The following HEPACAM2 variants were observed in gnomAD, a reference collection of about 807,000 sequenced individuals.
The protein encoded by HEPACAM2 is mitotic kinetics regulator.
HEPACAM2 carries 49 observed loss-of-function variants against 49.6 expected under a neutral mutation model. That is an observed-to-expected ratio of 0.99 (90% CI 0.78 to 1.25). HEPACAM2 has a LOEUF of 1.25. HEPACAM2 is among the 50% of genes most tolerant of loss of function. HEPACAM2 has a pLI of 0.00. For synonymous variants in HEPACAM2, 197 were observed against 202.9 expected (o/e 0.97, Z 0.25); for missense variants, 525 against 557.2 (o/e 0.94, Z 0.58).
intron 4 of HEPACAM2, among the ~76,000 whole-genome samples, chr7:93,202,979 A>G (rs1282546674): frequency 2.0e-5 from 3 of 152,132 alleles, no homozygotes. Context: ...TCTCCTACAG[A>G]GGATCCCACT....
intron 9 of HEPACAM2, among the ~76,000 whole-genome samples, chr7:93,191,003 A>C (rs1238938493): frequency 6.6e-6 from 1 of 152,090 alleles, no homozygotes; most frequent in African/African-American, 2.4e-5. Context: ...ATAGGATAGA[A>C]ATTTTAATTA....
Position 93,208,607 on chromosome 7 carries a change from G to T in HEPACAM2, c.985C>A (p.His329Asn). The change falls in exon 4 of 10, where the codon CAT becomes AAT. Residue 329 changes from histidine (H) to asparagine (N), a missense_variant. By Grantham distance (68) the His-to-Asn change is moderately conservative. Coordinates refer to ENST00000394468, the MANE Select transcript of HEPACAM2 (RefSeq NM_001039372.4). Reference protein sequence around the residue: ...NNITGRQDETHFTVIITSVGL... With the variant: ...NNITGRQDETNFTVIITSVGL... ...ACGGAAGTGATGATAACTGTGAAAT[G>T]AGTTTCATCTTGCCTGCCGGTTATG... is the stretch of plus-strand genomic sequence containing the variant. The T allele has an allele frequency of 6.2e-7, 1 of 1,612,848 alleles. No homozygotes were observed. The highest frequency in any genetic ancestry group is 1.1e-5 in the South Asian group (1 of 90,978).
rs777251756 is a variant in HEPACAM2, at chr7:93,197,355, T to C, written c.1163+18A>G. The stretch of plus-strand genomic sequence containing the variant: ...CATCTAAGGAAAACAACTATTTTCA[T>C]AGAAACAGATGCATTACCTGCCTTC... On this transcript the variant is annotated intron_variant, in intron 6 of 9. Coordinates refer to ENST00000394468, the MANE Select transcript of HEPACAM2 (RefSeq NM_001039372.4). 3.7e-6 allele frequency: 6 copies of C among 1,601,516 alleles called. No individual in the cohort carries two copies. The East Asian group carries it at 6.7e-5, about 18-fold the overall frequency.
intron 3 of HEPACAM2, among the ~76,000 whole-genome samples, chr7:93,213,750 G>A (rs1361193130): frequency 6.6e-6 from 1 of 152,066 alleles, no homozygotes; most frequent in Non-Finnish European, 1.5e-5. Flanking sequence ...CCCGGAATGA[G>A]AGTGCCTAGG....
At chr7:93,202,534 G>A (rs1793921866) in intron 4 of HEPACAM2, among the ~76,000 whole-genome samples, 2 of 151,908 alleles carry the variant, frequency 1.3e-5, no homozygotes, top group African/African-American at 4.8e-5. Context: ...TCTGACATAC[G>A]ACTTCATGTG....
At chr7:93,194,921 C>CTTTTTTTTTTTTTTTT (rs80158728) in intron 8 of HEPACAM2, among the ~76,000 whole-genome samples, 3 of 118,176 alleles carry the variant, frequency 2.5e-5, no homozygotes, top group Admixed American at 9.4e-5. Flanking sequence ...TTTAAAAGAT[C>CTTTTTTTTTTTTTTTT]TTTTTTTTTT....
chr7:93,228,086 A>G (rs900072396), upstream of HEPACAM2, among the ~76,000 whole-genome samples: 2 of 152,188 alleles, frequency 1.3e-5, no homozygotes, highest in African/African-American at 4.8e-5. Context: ...TTAATCTCCA[A>G]TTGCCGTTAT....
At chr7:93,209,490 G>A (rs1399678169) in intron 3 of HEPACAM2, among the ~76,000 whole-genome samples, 6 of 151,742 alleles carry the variant, frequency 4.0e-5, no homozygotes, top group East Asian at 1.9e-4. Context: ...ATAAATTGCC[G>A]TTAATTATAG....
At chr7:93,198,779 G>C (rs940178217) in intron 4 of HEPACAM2, among the ~76,000 whole-genome samples, 22 of 152,068 alleles carry the variant, frequency 1.4e-4, no homozygotes, top group Admixed American at 3.9e-4. Context: ...ACACAGCTCT[G>C]CAATAAATAT....
rs1794384135 is a variant in HEPACAM2, at chr7:93,219,087, C to T, written c.430+14G>A. The T allele has an allele frequency of 2.5e-6, 4 of 1,609,900 alleles. No homozygotes were observed. The highest frequency in any genetic ancestry group is 3.3e-5 in the Admixed American group (2 of 59,884). ...TGCTAGACTGCTGCCCTCGTACACTCACAGGGGACTCACCATCAACCGTGA... is the reference window on the plus strand; with the variant it reads ...TGCTAGACTGCTGCCCTCGTACACTTACAGGGGACTCACCATCAACCGTGA... On this transcript the variant is annotated intron_variant, in intron 2 of 9. Coordinates refer to ENST00000394468, the MANE Select transcript of HEPACAM2 (RefSeq NM_001039372.4).
intron 1 of HEPACAM2, among the ~76,000 whole-genome samples, chr7:93,221,814 T>C (rs1794457201): frequency 6.6e-6 from 1 of 152,216 alleles, no homozygotes; most frequent in Non-Finnish European, 1.5e-5. Flanking sequence ...CTAAGAATTT[T>C]TTTTTCTTCT....
intron 4 of HEPACAM2, among the ~76,000 whole-genome samples, chr7:93,202,032 CA>C (rs71998232): frequency 0.064 from 6,540 of 101,622 alleles, 176 homozygotes; most frequent in Non-Finnish European, 0.089. Context: ...AAAAAAAAAC[CA>C]AAAAAAAAAA....
chr7:93,227,993 G>A (rs919686804), upstream of HEPACAM2, among the ~76,000 whole-genome samples: 1 of 152,128 alleles, frequency 6.6e-6, no homozygotes, highest in African/African-American at 2.4e-5. Context: ...TTTAATATTG[G>A]ATTGCACAAA....
Position 93,208,731 on chromosome 7 carries a change from G to A in HEPACAM2, c.861C>T (p.Asp287=). 1 of 1,613,180 alleles carries A rather than the reference G, an allele frequency of 6.2e-7. No individual in the cohort carries two copies. The highest frequency in any genetic ancestry group is 8.5e-7 in the Non-Finnish European group (1 of 1,179,478). ...CATGCTTAATGATATATGTAGTATT[G>A]TCAGTCCTCCTAATCCAGGAGTAGG... is the stretch of plus-strand genomic sequence containing the variant. ...PNTYSWIRRT[D]NTTYIIKHGP... is the part of the protein sequence containing the mutation. The change falls in exon 4 of 10, where the codon GAC becomes GAT. Residue 287 remains aspartate, a synonymous_variant. Coordinates refer to ENST00000394468, the MANE Select transcript of HEPACAM2 (RefSeq NM_001039372.4).
chr7:93,197,606 C>T lies in HEPACAM2; in HGVS notation c.1017G>A (p.Leu339=), dbSNP rs938482270. ...ATTTTCCTTTCTGTGCAAGCTTCTC[C>T]AGTCCTAAATAAAAAGATAAACATA... ...HFTVIITSVG[L]EKLAQKGKSL... The change falls in exon 5 of 10, where the codon CTG becomes CTA. Residue 339 remains leucine (L), a synonymous_variant. Transcript: ENST00000394468. The T allele has an allele frequency of 1.5e-5, 24 of 1,572,862 alleles. No individual in the cohort carries two copies. The highest frequency in any genetic ancestry group is 1.6e-5 in the Non-Finnish European group (19 of 1,162,038).
intron 4 of HEPACAM2, among the ~76,000 whole-genome samples, chr7:93,198,392 C>G (rs1297544432): frequency 6.6e-6 from 1 of 152,060 alleles, no homozygotes; most frequent in Non-Finnish European, 1.5e-5. Context: ...GAAGCTGAGT[C>G]TTGCCCAAGG....
chr7:93,218,320 C>T (rs1211726332), intron 2 of HEPACAM2, among the ~76,000 whole-genome samples: 2 of 151,728 alleles, frequency 1.3e-5, no homozygotes, highest in African/African-American at 2.4e-5. Flanking sequence ...GTTCAGGCCG[C>T]GGCTGATTGT....
At chr7:93,226,327 A>T in intron 1 of HEPACAM2, 41 bp downstream of exon 1, 1 of 1,448,606 alleles carries the variant, frequency 6.9e-7, no homozygotes, top group Non-Finnish European at 9.6e-7. Context: ...AAAAAAAAAA[A>T]CCTAACAAAC....
chr7:93,230,532 T>C (rs1794605765), upstream of HEPACAM2, among the ~76,000 whole-genome samples: 1 of 152,252 alleles, frequency 6.6e-6, no homozygotes, highest in South Asian at 2.1e-4. Flanking sequence ...GAACTCCTTG[T>C]GACCACAACC....
Sources: gnomAD v4.1 joint callset for allele counts (sites outside exome capture counted in the v4.1 genomes callset) on GRCh38, gnomAD v4.1.1 for gene constraint, MANE v1.5 for transcripts, NCBI Gene and HGNC (gene_info 2026-07-23, HGNC 2026-07-21) for gene names.